Variants in PRKAR1A observed in about 807,000 individuals in gnomAD.
The protein encoded by PRKAR1A is protein kinase cAMP-dependent type I regulatory subunit alpha, also known as cAMP-dependent protein kinase type I-alpha regulatory subunit.
In PRKAR1A, 3 loss-of-function variants were observed where a neutral mutation model predicts 52.0. The observed-to-expected ratio is 0.06, with a 90% CI of 0.03 to 0.15. The LOEUF (loss-of-function observed/expected upper bound fraction) is 0.15, where lower values mean the gene tolerates loss of function less well. Among genes scored for constraint, PRKAR1A ranks in the 10% least tolerant of loss-of-function variants. PRKAR1A has a pLI of 1.00. For synonymous variants in PRKAR1A, 188 were observed against 168.4 expected (o/e 1.12, Z -0.90); for missense variants, 240 against 477.4 (o/e 0.50, Z 4.63).
the PRKAR1A span, among the ~76,000 whole-genome samples, chr17:68,495,642 C>A: frequency 1.3e-5 from 2 of 152,184 alleles, no homozygotes; most frequent in Non-Finnish European, 2.9e-5. Flanking sequence ...ATTTACTCAT[C>A]ACATACATTG....
the PRKAR1A span, chr17:68,457,619 G>A: frequency 2.9e-6 from 1 of 345,008 alleles, no homozygotes. Context: ...GCTTCGCCCC[G>A]CCCCTTCTCG....
rs954727566 is a variant in PRKAR1A at position 68,530,674 on chromosome 17, T to G, written c.*225T>G. 7.0e-7 allele frequency: 1 copy of G among 1,432,898 alleles called. No homozygotes were observed. Among genetic ancestry groups the G allele is most frequent in the African/African-American group, 1.4e-5 (1 of 70,198 alleles). The allele number at this position is 1,432,898 out of a possible 1,614,324, so 88.8% of individuals were successfully genotyped here. A position where few individuals can be genotyped will look rare whatever the true frequency, so the allele number is the denominator to read the frequency against. ...AGAAAGAGTTCTATGGAGACTTTGC[T>G]GTTACTGCTTCTCTTTGTGCAGTGT... On this transcript the variant is annotated 3_prime_UTR_variant, in exon 11 of 11. Transcript: ENST00000589228.
chr17:68,546,604 G>A (rs2086577397), intron 11 of PRKAR1A, among the ~76,000 whole-genome samples: 3 of 152,150 alleles, frequency 2.0e-5, no homozygotes, highest in African/African-American at 7.2e-5. Flanking sequence ...GCCGAGGCGG[G>A]CGGATCACGA....
chr17:68,541,583 G>T (rs1453481753), intron 11 of PRKAR1A: 1 of 196,180 alleles, frequency 5.1e-6, no homozygotes, highest in Admixed American at 5.3e-5. Context: ...CAGCAGTGAG[G>T]TCCTTGGTCT....
At chr17:68,424,238 A>G in the PRKAR1A span, among the ~76,000 whole-genome samples, 1 of 152,206 alleles carries the variant, frequency 6.6e-6, no homozygotes. Flanking sequence ...CTTGCCAGCC[A>G]CGTCTCTGAC....
chr17:68,436,500 C>A, the PRKAR1A span: 3 of 1,609,288 alleles, frequency 1.9e-6, no homozygotes, highest in Non-Finnish European at 2.6e-6. Context: ...AGAAACAGAA[C>A]ATGAGAAGCC....
the PRKAR1A span, among the ~76,000 whole-genome samples, chr17:68,416,629 T>C: frequency 6.6e-6 from 1 of 152,200 alleles, no homozygotes; most frequent in Non-Finnish European, 1.5e-5. Flanking sequence ...TCGTTTAACA[T>C]AATCCCAGCC....
chr17:68,464,398 C>T, the PRKAR1A span, among the ~76,000 whole-genome samples: 2 of 152,192 alleles, frequency 1.3e-5, no homozygotes, highest in Non-Finnish European at 2.9e-5. Context: ...TCATGGTTCA[C>T]TTGATGTGCA....
At position 68,530,661 on chromosome 17, in the gene PRKAR1A, A is replaced by G. The variant is rs568481900; in HGVS notation, c.*212A>G. 6.9e-7 allele frequency: 1 copy of G among 1,455,552 alleles called. No individual in the cohort carries two copies. The highest frequency in any genetic ancestry group is 1.4e-5 in the African/African-American group (1 of 70,782). The allele number at this position is 1,455,552 out of a possible 1,614,324, so 90.2% of individuals were successfully genotyped here. On this transcript the variant is annotated 3_prime_UTR_variant, in exon 11 of 11. Coordinates refer to ENST00000589228, the MANE Select transcript of PRKAR1A (RefSeq NM_002734.5). The stretch of plus-strand genomic sequence containing the variant: ...CAGTTAAATAAATAGAAAGAGTTCT[A>G]TGGAGACTTTGCTGTTACTGCTTCT...
intron 11 of PRKAR1A, chr17:68,541,901 A>G (rs927593048): frequency 2.7e-6 from 4 of 1,501,998 alleles, no homozygotes; most frequent in South Asian, 2.6e-5. Flanking sequence ...TTCAGATTCA[A>G]AAGCCAAGCT....
intron 11 of PRKAR1A, among the ~76,000 whole-genome samples, chr17:68,546,225 A>G (rs1381191800): frequency 6.7e-6 from 1 of 150,084 alleles, no homozygotes; most frequent in Non-Finnish European, 1.5e-5. Context: ...AAGTTTGATC[A>G]TGCAGTTGCA....
chr17:68,422,648 G>A, the PRKAR1A span: 1 of 136,828 alleles, frequency 7.3e-6, no homozygotes, highest in East Asian at 2.3e-4. Context: ...AGAATCACTT[G>A]AACCTAGGAG....
the PRKAR1A span, among the ~76,000 whole-genome samples, chr17:68,416,567 A>G: frequency 6.6e-6 from 1 of 152,080 alleles, no homozygotes; most frequent in Non-Finnish European, 1.5e-5. Context: ...ATGTTTTCCA[A>G]ACTTTTAGAT....
At chr17:68,418,227 TG>T in the PRKAR1A span, among the ~76,000 whole-genome samples, 1 of 152,208 alleles carries the variant, frequency 6.6e-6, no homozygotes, top group Non-Finnish European at 1.5e-5. Flanking sequence ...TTGTTTTCAC[TG>T]GCAGCTAATC....
the PRKAR1A span, chr17:68,420,664 C>A: frequency 1.6e-6 from 1 of 644,554 alleles, no homozygotes; most frequent in South Asian, 2.0e-5. Flanking sequence ...TGGCTCTGGG[C>A]AGGGAGTGTG....
intron 11 of PRKAR1A, among the ~76,000 whole-genome samples, chr17:68,539,022 G>A (rs955207085): frequency 6.6e-6 from 1 of 152,180 alleles, no homozygotes. Context: ...TATGATAACT[G>A]CTTGTAGGCT....
At chr17:68,420,278 G>C in the PRKAR1A span, 2 of 1,614,166 alleles carry the variant, frequency 1.2e-6, no homozygotes, top group Non-Finnish European at 1.7e-6. Flanking sequence ...TACCGCAGAA[G>C]CTGTGCCCCT....
chr17:68,503,425 A>C, the PRKAR1A span, among the ~76,000 whole-genome samples: 1 of 152,362 alleles, frequency 6.6e-6, no homozygotes, highest in South Asian at 2.1e-4. Context: ...CATAATTGCC[A>C]ACACTTGGAA....
Position 68,531,762 on chromosome 17 carries a change from G to A in PRKAR1A, c.*1313G>A, listed in dbSNP as rs780706272. ...TGTATTGAGTCTTAACTGTATTTCA[G>A]TATTTTCCAGCCTTATGTGTTACAT... On this transcript the variant is annotated 3_prime_UTR_variant, in exon 11 of 11. Transcript: ENST00000589228. 15 of 1,044,734 alleles carry A rather than the reference G, an allele frequency of 1.4e-5. No homozygotes were observed. The highest frequency in any genetic ancestry group is 1.6e-5 in the Non-Finnish European group (14 of 860,402). 64.7% of individuals were successfully genotyped at this position (1,044,734 alleles called of 1,614,324 possible).
Sources: gnomAD v4.1 joint callset for allele counts (sites outside exome capture counted in the v4.1 genomes callset) on GRCh38, gnomAD v4.1.1 for gene constraint, MANE v1.5 for transcripts, NCBI Gene and HGNC (gene_info 2026-07-23, HGNC 2026-07-21) for gene names.